MDFIC: variants seen among roughly 807,000 people sequenced by gnomAD.
The protein encoded by MDFIC is myoD family inhibitor domain-containing protein.
In MDFIC, 17 loss-of-function variants were observed where a neutral mutation model predicts 23.2. The observed-to-expected ratio is 0.73, with a 90% CI of 0.50 to 1.10. The LOEUF is 1.10. Ranked by LOEUF, MDFIC falls within the 50% of genes least tolerant of loss-of-function variation. The pLI is 0.00. For synonymous variants in MDFIC, 120 were observed against 115.2 expected (o/e 1.04, Z -0.27); for missense variants, 356 against 316.6 (o/e 1.12, Z -0.95).
intron 4 of MDFIC, among the ~76,000 whole-genome samples, chr7:114,987,553 A>G (rs1376217565): frequency 1.3e-5 from 2 of 152,186 alleles, no homozygotes; most frequent in African/African-American, 4.8e-5. Context: ...CCCATGTTAC[A>G]ATAATGGTGT....
intron 3 of MDFIC, among the ~76,000 whole-genome samples, chr7:114,951,676 A>G (rs542816498): frequency 6.6e-6 from 1 of 152,184 alleles, no homozygotes; most frequent in South Asian, 2.1e-4. Context: ...TTTTCCCATG[A>G]AGTGAATTAT....
chr7:114,951,257 T>C (rs968690941), intron 3 of MDFIC, among the ~76,000 whole-genome samples: 2 of 152,060 alleles, frequency 1.3e-5, no homozygotes, highest in African/African-American at 4.8e-5. Flanking sequence ...TCTGGTTCTT[T>C]GCTGCTTTGG....
chr7:114,995,151 C>T (rs1438024081), intron 4 of MDFIC, among the ~76,000 whole-genome samples: 1 of 152,230 alleles, frequency 6.6e-6, no homozygotes, highest in Non-Finnish European at 1.5e-5. Context: ...GCTACTGAAG[C>T]TTGTGCATTC....
chr7:114,955,055 C>G (rs772620641), intron 3 of MDFIC, among the ~76,000 whole-genome samples: 2 of 151,986 alleles, frequency 1.3e-5, no homozygotes, highest in Non-Finnish European at 2.9e-5. Context: ...CTTCCCAGAC[C>G]CCCATCTACA....
At chr7:114,972,247 A>T (rs1168146210) in intron 3 of MDFIC, among the ~76,000 whole-genome samples, 1 of 152,138 alleles carries the variant, frequency 6.6e-6, no homozygotes, top group Non-Finnish European at 1.5e-5. Flanking sequence ...CAGGCTTACC[A>T]CTATTTATTT....
chr7:115,009,583 A>G (rs1316205008), intron 4 of MDFIC, among the ~76,000 whole-genome samples: 1 of 152,168 alleles, frequency 6.6e-6, no homozygotes, highest in Admixed American at 6.5e-5. Context: ...CTCTCATTTT[A>G]AGCAGCACAG....
At chr7:114,932,550 A>T (rs1428215210) in intron 2 of MDFIC, among the ~76,000 whole-genome samples, 2 of 152,244 alleles carry the variant, frequency 1.3e-5, no homozygotes, top group Non-Finnish European at 2.9e-5. Flanking sequence ...ATTTATGTAG[A>T]GTTAAAACTT....
chr7:114,965,989 A>G (rs1410133298), intron 3 of MDFIC, among the ~76,000 whole-genome samples: 1 of 152,180 alleles, frequency 6.6e-6, no homozygotes, highest in African/African-American at 2.4e-5. Flanking sequence ...CCATATATGT[A>G]CAGTATGCCA....
At chr7:114,941,591 C>A (rs770490721) in intron 2 of MDFIC, among the ~76,000 whole-genome samples, 3 of 152,132 alleles carry the variant, frequency 2.0e-5, no homozygotes, top group Non-Finnish European at 4.4e-5. Flanking sequence ...TTCCTTTGAA[C>A]CTTTTTAGTG....
intron 2 of MDFIC, among the ~76,000 whole-genome samples, chr7:114,936,129 AC>A (rs1792419409): frequency 6.6e-6 from 1 of 152,152 alleles, no homozygotes; most frequent in Non-Finnish European, 1.5e-5. Context: ...CCCAGGATCC[AC>A]ATCATTAGTG....
intron 3 of MDFIC, among the ~76,000 whole-genome samples, chr7:114,945,612 A>G (rs1792628815): frequency 6.6e-6 from 1 of 152,134 alleles, no homozygotes. Context: ...TAAAAAGAAG[A>G]AACTCATATG....
chr7:114,982,826 C>G (rs1458043969), intron 4 of MDFIC, among the ~76,000 whole-genome samples: 1 of 152,170 alleles, frequency 6.6e-6, no homozygotes, highest in Non-Finnish European at 1.5e-5. Flanking sequence ...TGGAGATGAC[C>G]ATTTTCTGCT....
intron 2 of MDFIC, 144 bp downstream of exon 2, chr7:114,923,271 C>T: frequency 4.7e-6 from 6 of 1,276,384 alleles, no homozygotes; most frequent in Non-Finnish European, 6.5e-6. Context: ...GTTCGCGTTA[C>T]TCAGGCAAGT....
At chr7:114,994,232 C>A (rs1046837355) in intron 4 of MDFIC, among the ~76,000 whole-genome samples, 2 of 152,000 alleles carry the variant, frequency 1.3e-5, no homozygotes, top group African/African-American at 4.8e-5. Flanking sequence ...TTATTTTGAG[C>A]CTATGTGTGT....
intron 4 of MDFIC, among the ~76,000 whole-genome samples, chr7:115,008,918 C>A (rs528728822): frequency 3.2e-4 from 48 of 152,340 alleles, no homozygotes; most frequent in Middle Eastern, 3.4e-3. Context: ...TCCTGTTATA[C>A]CGCCACTGGG....
chr7:114,971,755 C>T (rs1793209853), intron 3 of MDFIC, among the ~76,000 whole-genome samples: 1 of 151,960 alleles, frequency 6.6e-6, no homozygotes, highest in African/African-American at 2.4e-5. Context: ...CATTGGTTTA[C>T]TATCTGGGGA....
In MDFIC at chr7:114,922,627, G is replaced by GTAGTC; in HGVS notation, c.-117_-116insTAGTC. The GTAGTC allele has an allele frequency of 7.8e-7, 1 of 1,282,938 alleles. No homozygotes were observed. 79.5% of individuals were successfully genotyped at this position (1,282,938 alleles called of 1,614,324 possible). On this transcript the variant is annotated 5_prime_UTR_variant, in exon 1 of 5. Coordinates refer to ENST00000393486, the MANE Select transcript of MDFIC (RefSeq NM_001166345.3). ...GAAGGGGCTTGGAGCGACTACGGGG[G>GTAGTC]GATGCGGAGGTAGGTAGTGGTCTCC...
At chr7:114,925,926 ATTC>A (rs1792181561) in intron 2 of MDFIC, among the ~76,000 whole-genome samples, 1 of 152,188 alleles carries the variant, frequency 6.6e-6, no homozygotes, top group African/African-American at 2.4e-5. Flanking sequence ...TTAAAGCTAT[ATTC>A]TTATTTGTTA....
chr7:114,950,624 A>C (rs1449468051), intron 3 of MDFIC, among the ~76,000 whole-genome samples: 1 of 152,176 alleles, frequency 6.6e-6, no homozygotes, highest in African/African-American at 2.4e-5. Context: ...AGAAATATGA[A>C]TTTAAGATTT....
Sources: gnomAD v4.1 joint callset for allele counts (sites outside exome capture counted in the v4.1 genomes callset) on GRCh38, gnomAD v4.1.1 for gene constraint, MANE v1.5 for transcripts, NCBI Gene and HGNC (gene_info 2026-07-23, HGNC 2026-07-21) for gene names.